The following THSD7B variants were observed in gnomAD, a reference collection of about 807,000 sequenced individuals.
THSD7B encodes thrombospondin type-1 domain-containing protein 7B.
Under a neutral mutation model 213.6 loss-of-function variants are expected in THSD7B, and 138 were observed. That is an observed-to-expected ratio of 0.65 (90% CI 0.56 to 0.74). The LOEUF is 0.74. Ranked by LOEUF, THSD7B falls within the 30% of genes least tolerant of loss-of-function variation. The pLI, the probability that THSD7B is intolerant of heterozygous loss-of-function variation, is 0.00. For synonymous variants in THSD7B, 742 were observed against 687.0 expected, an observed-to-expected ratio of 1.08 and a Z score of -1.25; for missense variants, 1,931 against 1,991.5, an observed-to-expected ratio of 0.97 and a Z score of 0.58.
intron 14 of THSD7B, among the ~76,000 whole-genome samples, chr2:137,429,616 G>A (rs781403328): frequency 1.4e-4 from 22 of 152,164 alleles, no homozygotes; most frequent in Non-Finnish European, 2.6e-4. Flanking sequence ...AAGTATTCTG[G>A]TTAGACATTG....
intron 17 of THSD7B, among the ~76,000 whole-genome samples, chr2:137,580,071 T>G (rs959063630): frequency 2.0e-5 from 3 of 152,190 alleles, no homozygotes; most frequent in African/African-American, 7.2e-5. Flanking sequence ...TATAAAGATA[T>G]GTTTCTAATA....
rs147232891 is a variant in THSD7B, at chr2:137,029,733, T to C, written c.140-26687T>C. Among the ~76,000 whole-genome samples the C allele has an allele frequency of 1.3e-3, 194 of 152,236 alleles. 1 individual carries two copies. The highest frequency in any genetic ancestry group is 4.3e-3 in the African/African-American group (177 of 41,542). On this transcript the variant is annotated intron_variant, in intron 2 of 27. Coordinates refer to ENST00000409968, the MANE Select transcript of THSD7B (RefSeq NM_001316349.2). ...GGGATTTCTCAGAGCTGTCAGGGTG[T>C]TAGGGTTCATTGTTTATCTACAAGA...
chr2:137,100,465 G>A (rs981790161), intron 4 of THSD7B, among the ~76,000 whole-genome samples: 1 of 151,096 alleles, frequency 6.6e-6, no homozygotes, highest in Non-Finnish European at 1.5e-5. Context: ...AATTACTTTT[G>A]CACCAACCTT....
At chr2:137,310,714 T>C (rs1447354612) in intron 12 of THSD7B, among the ~76,000 whole-genome samples, 1 of 152,130 alleles carries the variant, frequency 6.6e-6, no homozygotes, top group Non-Finnish European at 1.5e-5. Context: ...GTTTCAGCTT[T>C]CTACATATGG....
intron 18 of THSD7B, 27 bp downstream of exon 18, chr2:137,616,343 G>T (rs375542850): frequency 3.1e-6 from 5 of 1,602,310 alleles, no homozygotes; most frequent in Non-Finnish European, 3.4e-6. Flanking sequence ...TGACCTTGTC[G>T]TTCTCCCTGA....
chr2:137,467,952 C>A (rs1410998686), intron 15 of THSD7B, among the ~76,000 whole-genome samples: 1 of 152,090 alleles, frequency 6.6e-6, no homozygotes, highest in Non-Finnish European at 1.5e-5. Flanking sequence ...ACTATGTAAG[C>A]CTCTTTGGGT....
chr2:136,936,844 G>T (rs1345919367), intron 2 of THSD7B, among the ~76,000 whole-genome samples: 2 of 151,786 alleles, frequency 1.3e-5, no homozygotes, highest in Non-Finnish European at 2.9e-5. Flanking sequence ...AAAAAGAAAT[G>T]ATAACATTTC....
intron 7 of THSD7B, among the ~76,000 whole-genome samples, chr2:137,198,459 C>G (rs10193861): frequency 0.92 from 140,702 of 152,224 alleles, 65,285 homozygotes; most frequent in Middle Eastern, 0.98. Flanking sequence ...TCACATTTCC[C>G]CTATAGTTCC....
At chr2:136,932,480 AAT>A (rs1684647256) in intron 2 of THSD7B, among the ~76,000 whole-genome samples, 1 of 145,568 alleles carries the variant, frequency 6.9e-6, no homozygotes, top group Non-Finnish European at 1.5e-5. Context: ...AAACTTAACT[AAT>A]AGGCTATGGT....
intron 15 of THSD7B, among the ~76,000 whole-genome samples, chr2:137,487,605 A>G (rs1688490293): frequency 6.6e-6 from 1 of 151,670 alleles, no homozygotes; most frequent in South Asian, 2.1e-4. Context: ...AATCAAATAG[A>G]TGCAATAAAA....
chr2:137,575,738 A>ATATG lies in THSD7B; in HGVS notation c.3423+3185_3423+3186insGTAT, dbSNP rs1558845579. The stretch of plus-strand genomic sequence containing the variant: ...TCCCATAACACACATATATATATAT[A>ATATG]TATATTTTTACTTTAACATGCTTAC... On this transcript the variant is annotated intron_variant, in intron 17 of 27. Transcript: ENST00000409968. Among the ~76,000 whole-genome samples the ATATG allele has an allele frequency of 8.2e-4, 123 of 150,168 alleles. 1 individual carries two copies. The highest frequency in any genetic ancestry group is 2.6e-3 in the African/African-American group (108 of 41,282).
At chr2:136,890,374 TTCCTCTTCCTCTTCCTCTTCCTCTTCC>T (rs1683806584) in intron 2 of THSD7B, among the ~76,000 whole-genome samples, 1 of 4,960 alleles carries the variant, frequency 2.0e-4, no homozygotes, top group Admixed American at 1.9e-3. Context: ...CTTCTTCTTC[TTCCTCTTCCTCTTCCTCTTCCTCTTCC>T]TCTTCCTCTT....
intron 15 of THSD7B, among the ~76,000 whole-genome samples, chr2:137,556,125 A>G (rs1680959729): frequency 6.6e-6 from 1 of 152,212 alleles, no homozygotes; most frequent in Non-Finnish European, 1.5e-5. Flanking sequence ...CCTGCAGGAT[A>G]TTATCCAGGA....
At chr2:137,129,633 A>G (rs570801654) in intron 5 of THSD7B, among the ~76,000 whole-genome samples, 4 of 151,842 alleles carry the variant, frequency 2.6e-5, no homozygotes, top group African/African-American at 7.2e-5. Flanking sequence ...TAGAGATGGG[A>G]TCTCTCTATG....
At chr2:137,579,155 A>G (rs746174296) in intron 17 of THSD7B, among the ~76,000 whole-genome samples, 24 of 152,256 alleles carry the variant, frequency 1.6e-4, no homozygotes, top group Non-Finnish European at 2.8e-4. Flanking sequence ...TTATTTTCAA[A>G]ATGGTAGCAC....
chr2:137,199,612 A>G (rs1006395899), intron 7 of THSD7B, among the ~76,000 whole-genome samples: 1 of 152,180 alleles, frequency 6.6e-6, no homozygotes, highest in Non-Finnish European at 1.5e-5. Context: ...GCTAATTCCA[A>G]TGCTCATTTT....
chr2:137,622,369 C>CA (rs998278395), intron 20 of THSD7B, among the ~76,000 whole-genome samples: 1 of 151,960 alleles, frequency 6.6e-6, no homozygotes, highest in African/African-American at 2.4e-5. Flanking sequence ...CAAAACAAAA[C>CA]AAAAAACAAG....
chr2:136,939,549 C>A (rs957051553), intron 2 of THSD7B, among the ~76,000 whole-genome samples: 1 of 152,188 alleles, frequency 6.6e-6, no homozygotes, highest in Non-Finnish European at 1.5e-5. Context: ...TTTCACCAGG[C>A]ATATGCTGTG....
rs141379108 is a variant in THSD7B, at chr2:136,870,985, G to A, written c.-35-11159G>A. On this transcript the variant is annotated intron_variant, in intron 1 of 27. Transcript: ENST00000409968. ...GGGGAGAATTGGTGTCTTGCATTAG[G>A]AGGGGAGTGGCTTGATACTGGATAG... is the stretch of plus-strand genomic sequence containing the variant. Among the ~76,000 whole-genome samples the A allele has an allele frequency of 5.2e-3, 779 of 150,254 alleles. 7 individuals carry two copies. Among genetic ancestry groups the A allele is most frequent in the South Asian group, 0.018 (86 of 4,650 alleles).
Sources: allele counts gnomAD v4.1 joint callset (sites outside exome capture counted in the v4.1 genomes callset), GRCh38; gene constraint gnomAD v4.1.1; transcripts MANE v1.5; gene names NCBI Gene and HGNC (gene_info 2026-07-23, HGNC 2026-07-21).